PAX5: variants seen among roughly 807,000 people sequenced by gnomAD.
The protein encoded by PAX5 is paired box 5.
PAX5 carries 9 observed loss-of-function variants against 43.7 expected under a neutral mutation model. The ratio of observed to expected loss-of-function variants is 0.21; its 90% confidence interval spans 0.12 to 0.36. The LOEUF (loss-of-function observed/expected upper bound fraction) is 0.36, where lower values mean the gene tolerates loss of function less well. PAX5 is among the 10% of genes least tolerant of loss of function. The probability of loss-of-function intolerance (pLI) is 1.00; values close to 1 mark genes in which losing one functional copy is unlikely to be tolerated. For missense variants in PAX5, 383 were observed against 532.7 expected, an observed-to-expected ratio of 0.72 and a Z score of 2.77; for synonymous variants, 228 against 214.3, an observed-to-expected ratio of 1.06 and a Z score of -0.56.
intron 7 of PAX5, among the ~76,000 whole-genome samples, chr9:36,898,472 C>T (rs796190736): frequency 6.6e-6 from 1 of 152,136 alleles, no homozygotes; most frequent in South Asian, 2.1e-4. Flanking sequence ...GGCCCCAGAA[C>T]CCCAGCAACC....
At chr9:37,032,626 C>T (rs1372626816) in intron 1 of PAX5, among the ~76,000 whole-genome samples, 5 of 152,144 alleles carry the variant, frequency 3.3e-5, no homozygotes, top group Non-Finnish European at 5.9e-5. Flanking sequence ...TGCTCTTAGG[C>T]TTGTATTTGA....
intron 6 of PAX5, among the ~76,000 whole-genome samples, chr9:36,957,778 T>G (rs1188338119): frequency 6.6e-6 from 1 of 152,184 alleles, no homozygotes; most frequent in Non-Finnish European, 1.5e-5. Context: ...CTCTAAAACA[T>G]ATGACTTCTC....
At chr9:36,853,425 T>C (rs1587759984) in intron 8 of PAX5, among the ~76,000 whole-genome samples, 2 of 152,190 alleles carry the variant, frequency 1.3e-5, no homozygotes, top group African/African-American at 4.8e-5. Context: ...AGAACCCAGC[T>C]ATCTGGGGAT....
chr9:36,919,333 T>C (rs899025624), intron 7 of PAX5, among the ~76,000 whole-genome samples: 2 of 152,194 alleles, frequency 1.3e-5, no homozygotes, highest in Non-Finnish European at 2.9e-5. Context: ...CTGATGGAGA[T>C]GTACAAGGAG....
intron 6 of PAX5, among the ~76,000 whole-genome samples, chr9:36,947,575 G>T (rs1698123243): frequency 6.6e-6 from 1 of 151,804 alleles, no homozygotes; most frequent in African/African-American, 2.4e-5. Context: ...ATGGGGTCTT[G>T]CTCTGTTTCC....
intron 8 of PAX5, among the ~76,000 whole-genome samples, chr9:36,858,486 G>A (rs1407205292): frequency 6.6e-6 from 1 of 152,076 alleles, no homozygotes; most frequent in Non-Finnish European, 1.5e-5. Flanking sequence ...TGCCACTAAG[G>A]AATAGTTTTC....
chr9:36,966,651 T>C lies in PAX5; in HGVS notation c.678A>G (p.Gly226=). ...CCAGCTGCTGCTGTGTGAACAAGTC[T>C]CCCCGCATCTGCTTCCGGAGGAAGT... ...GRDFLRKQMR[G]DLFTQQQLEV... is the part of the protein sequence containing the mutation. Residue 226 remains glycine, a synonymous_variant, in exon 6 of 10, where the codon GGA becomes GGG. Transcript: ENST00000358127. 1 of 1,614,078 alleles carries C rather than the reference T, an allele frequency of 6.2e-7. No homozygotes were observed.
At chr9:37,025,505 C>T (rs1430205642) in intron 1 of PAX5, among the ~76,000 whole-genome samples, 1 of 152,180 alleles carries the variant, frequency 6.6e-6, no homozygotes, top group African/African-American at 2.4e-5. Flanking sequence ...CCGCAGAGAC[C>T]CCGAGCGGCA....
intron 1 of PAX5, chr9:37,026,549 C>G (rs1377748700): frequency 7.5e-7 from 1 of 1,334,288 alleles, no homozygotes. Flanking sequence ...TGGATGCAAA[C>G]GGGTCGTGCT....
Position 36,878,649 on chromosome 9 carries a change from G to A in PAX5, c.1012+3355C>T, listed in dbSNP as rs1044596596. 7.9e-5 allele frequency among the ~76,000 whole-genome samples: 12 copies of A among 152,330 alleles called. No homozygotes were observed. In the South Asian group the frequency reaches 2.5e-3, roughly 32 times the overall value. ...AGAAAGGCAAGTTGAGGCCAACCACGGTGAGGCCTGACAGCCCAGGGCCCC... is the reference window on the plus strand; with the variant it reads ...AGAAAGGCAAGTTGAGGCCAACCACAGTGAGGCCTGACAGCCCAGGGCCCC... On this transcript the variant is annotated intron_variant, in intron 8 of 9. Coordinates refer to ENST00000358127, the MANE Select transcript of PAX5 (RefSeq NM_016734.3).
intron 3 of PAX5, among the ~76,000 whole-genome samples, chr9:37,013,717 G>T (rs1413633119): frequency 6.6e-6 from 1 of 152,170 alleles, no homozygotes; most frequent in Non-Finnish European, 1.5e-5. Context: ...TGGACAAAGA[G>T]CCCCTCTGGA....
At chr9:37,027,128 A>T (rs965350216) in intron 1 of PAX5, among the ~76,000 whole-genome samples, 1 of 152,122 alleles carries the variant, frequency 6.6e-6, no homozygotes, top group Non-Finnish European at 1.5e-5. Context: ...TGGGGCTCGG[A>T]CTTGCCCCCT....
chr9:36,857,638 G>A (rs1174844751), intron 8 of PAX5, among the ~76,000 whole-genome samples: 1 of 152,206 alleles, frequency 6.6e-6, no homozygotes, highest in African/African-American at 2.4e-5. Flanking sequence ...CATTTAGTGG[G>A]TACCGAAATC....
chr9:36,966,504 G>T (rs183623699), intron 6 of PAX5, 45 bp downstream of exon 6: 3 of 1,585,380 alleles, frequency 1.9e-6, no homozygotes, highest in Non-Finnish European at 2.6e-6. Flanking sequence ...TGGCTGGGCC[G>T]GTGTGGCGGT....
chr9:36,924,433 T>TAA (rs1156947045), intron 6 of PAX5, among the ~76,000 whole-genome samples: 1 of 152,108 alleles, frequency 6.6e-6, no homozygotes, highest in Non-Finnish European at 1.5e-5. Flanking sequence ...AAAGAAAATA[T>TAA]ATGCGGCTGG....
intron 6 of PAX5, among the ~76,000 whole-genome samples, chr9:36,944,039 C>A (rs1476075265): frequency 2.0e-5 from 3 of 152,006 alleles, no homozygotes; most frequent in African/African-American, 7.3e-5. Flanking sequence ...AAAAAATCAG[C>A]CAGGTACTTT....
At chr9:36,849,692 C>T (rs142793517) in intron 8 of PAX5, among the ~76,000 whole-genome samples, 2,293 of 152,306 alleles carry the variant, frequency 0.015, 35 homozygotes, top group Middle Eastern at 0.044. Flanking sequence ...CATTGCCCAC[C>T]ACACCATCCT....
At chr9:36,905,857 G>C (rs1417731973) in intron 7 of PAX5, among the ~76,000 whole-genome samples, 1 of 152,188 alleles carries the variant, frequency 6.6e-6, no homozygotes, top group Non-Finnish European at 1.5e-5. Context: ...CTCCCCATCT[G>C]TTCAATGATG....
rs1194524557 is a variant in PAX5 at position 36,927,059 on chromosome 9, A to T, written c.781-3575T>A. ...CAAGAGTGACCCAGAAACAGGGCAC[A>T]TGCAATAGTTAGAGGGGGTGCAAGC... is the stretch of plus-strand genomic sequence containing the variant. On this transcript the variant is annotated intron_variant, in intron 6 of 9. Coordinates refer to ENST00000358127, the MANE Select transcript of PAX5 (RefSeq NM_016734.3). 2.6e-5 allele frequency among the ~76,000 whole-genome samples: 4 copies of T among 152,222 alleles called. 1 individual carries two copies. Among genetic ancestry groups the T allele is most frequent in the Admixed American group, 1.3e-4 (2 of 15,286 alleles).
Sources: gnomAD v4.1 joint callset for allele counts (sites outside exome capture counted in the v4.1 genomes callset) on GRCh38, gnomAD v4.1.1 for gene constraint, MANE v1.5 for transcripts, NCBI Gene and HGNC (gene_info 2026-07-23, HGNC 2026-07-21) for gene names.